The following KHDRBS3 variants were observed in gnomAD, a reference collection of about 807,000 sequenced individuals.
KHDRBS3 encodes KH domain-containing, RNA-binding, signal transduction-associated protein 3.
KHDRBS3 carries 23 observed loss-of-function variants against 45.6 expected under a neutral mutation model. The observed-to-expected ratio is 0.50, with a 90% CI of 0.36 to 0.72. The LOEUF (loss-of-function observed/expected upper bound fraction) is 0.72, where lower values mean the gene tolerates loss of function less well. KHDRBS3 is among the 30% of genes least tolerant of loss of function. The pLI, the probability that KHDRBS3 is intolerant of heterozygous loss-of-function variation, is 0.00. For synonymous variants in KHDRBS3, 162 were observed against 156.5 expected (o/e 1.04, Z -0.26); for missense variants, 352 against 424.8 (o/e 0.83, Z 1.51).
chr8:135,558,102 G>C (rs1357687674), intron 5 of KHDRBS3, among the ~76,000 whole-genome samples: 2 of 152,172 alleles, frequency 1.3e-5, no homozygotes, highest in Non-Finnish European at 2.9e-5. Flanking sequence ...CATCAGGCTA[G>C]TTCATTGCAA....
intron 3 of KHDRBS3, among the ~76,000 whole-genome samples, chr8:135,548,341 T>C (rs1483812429): frequency 6.6e-6 from 1 of 152,172 alleles, no homozygotes; most frequent in African/African-American, 2.4e-5. Context: ...TGTACCAGCA[T>C]CACAGAGACG....
intron 1 of KHDRBS3, among the ~76,000 whole-genome samples, chr8:135,505,185 A>G (rs7813160): frequency 0.038 from 5,783 of 152,298 alleles, 361 homozygotes; most frequent in African/African-American, 0.13. Flanking sequence ...GAAAGACCTC[A>G]ATGCCATTAG....
chr8:135,477,058 TAAC>T (rs1452209240), intron 1 of KHDRBS3, among the ~76,000 whole-genome samples: 1 of 152,236 alleles, frequency 6.6e-6, no homozygotes, highest in Non-Finnish European at 1.5e-5. Context: ...ATGACAATGA[TAAC>T]TACTATTTAT....
intron 1 of KHDRBS3, among the ~76,000 whole-genome samples, chr8:135,504,667 C>A (rs1197501886): frequency 6.6e-6 from 1 of 152,164 alleles, no homozygotes; most frequent in Non-Finnish European, 1.5e-5. Context: ...CTATGCTACT[C>A]AAATTAGAAT....
Position 135,606,935 on chromosome 8 carries a change from C to T in KHDRBS3, c.808-20C>T. On this transcript the variant is annotated intron_variant, in intron 6 of 8. Transcript: ENST00000355849. Reference sequence around the variant, plus strand: ...AGAAACTTCTCTGAATGTTTTTGTACTTCTCCTGTTATGTTTTAGGACTAT... The same window carrying T: ...AGAAACTTCTCTGAATGTTTTTGTATTTCTCCTGTTATGTTTTAGGACTAT... 9 of 1,580,614 alleles carry T rather than the reference C, an allele frequency of 5.7e-6. No homozygotes were observed. Among genetic ancestry groups the T allele is most frequent in the Non-Finnish European group, 7.8e-6 (9 of 1,153,672 alleles).
chr8:135,496,572 A>G (rs568361102), intron 1 of KHDRBS3, among the ~76,000 whole-genome samples: 1 of 152,312 alleles, frequency 6.6e-6, no homozygotes, highest in South Asian at 2.1e-4. Context: ...TTTGAAAAAA[A>G]AAAAGTCTGT....
chr8:135,540,564 G>C (rs886810136), intron 2 of KHDRBS3: 2 of 152,242 alleles, frequency 1.3e-5, no homozygotes, highest in African/African-American at 4.8e-5. Flanking sequence ...AGATACAACT[G>C]AGGATGAGGG....
intron 5 of KHDRBS3, among the ~76,000 whole-genome samples, chr8:135,571,287 CAGTG>C (rs1003635719): frequency 6.6e-6 from 1 of 152,258 alleles, no homozygotes; most frequent in African/African-American, 2.4e-5. Flanking sequence ...AAAAGGAATC[CAGTG>C]AGTATGTTTA....
chr8:135,654,847 A>G (rs1168966030), intron 4 of KHDRBS3, among the ~76,000 whole-genome samples: 1 of 152,230 alleles, frequency 6.6e-6, no homozygotes, highest in Non-Finnish European at 1.5e-5. Context: ...GCACGGGCTC[A>G]TTGCCCACCC....
intron 1 of KHDRBS3, among the ~76,000 whole-genome samples, chr8:135,509,327 C>T (rs113093736): frequency 1.3e-5 from 2 of 152,252 alleles, no homozygotes; most frequent in African/African-American, 4.8e-5. Context: ...ATGCTGGAAC[C>T]GAACTTTAGT....
At chr8:135,576,824 T>C (rs1827965917) in intron 5 of KHDRBS3, among the ~76,000 whole-genome samples, 1 of 152,232 alleles carries the variant, frequency 6.6e-6, no homozygotes, top group South Asian at 2.1e-4. Context: ...TACTAACCTA[T>C]GTATATACAC....
chr8:135,646,735 C>T (rs1322826715), intron 8 of KHDRBS3, among the ~76,000 whole-genome samples: 3 of 152,172 alleles, frequency 2.0e-5, no homozygotes, highest in East Asian at 1.9e-4. Context: ...AAAGTCCTTG[C>T]GAAGTTGGTT....
intron 7 of KHDRBS3, among the ~76,000 whole-genome samples, chr8:135,610,144 G>A (rs1346369916): frequency 6.6e-6 from 1 of 151,904 alleles, no homozygotes; most frequent in African/African-American, 2.4e-5. Flanking sequence ...ATTAAATGCT[G>A]TGATCTGTCA....
intron 6 of KHDRBS3, among the ~76,000 whole-genome samples, chr8:135,591,161 G>A (rs939594525): frequency 6.6e-6 from 1 of 152,200 alleles, no homozygotes; most frequent in African/African-American, 2.4e-5. Flanking sequence ...AGTCTATTAG[G>A]GTAGAGCTAG....
At chr8:135,491,352 A>G (rs1823141199) in intron 1 of KHDRBS3, among the ~76,000 whole-genome samples, 1 of 152,100 alleles carries the variant, frequency 6.6e-6, no homozygotes, top group Non-Finnish European at 1.5e-5. Flanking sequence ...ACTGTTAGGT[A>G]CCTAAGGAGG....
chr8:135,630,082 G>A (rs559138291), intron 7 of KHDRBS3, among the ~76,000 whole-genome samples: 1 of 152,330 alleles, frequency 6.6e-6, no homozygotes, highest in African/African-American at 2.4e-5. Flanking sequence ...AGGGAGTAAG[G>A]AATGTCTGGT....
intron 1 of KHDRBS3, among the ~76,000 whole-genome samples, chr8:135,483,116 T>C (rs888633595): frequency 1.5e-4 from 23 of 152,192 alleles, no homozygotes; most frequent in Admixed American, 6.5e-4. Flanking sequence ...TGTATCTCTT[T>C]TGCATTAAAA....
At chr8:135,498,043 G>T (rs1823546890) in intron 1 of KHDRBS3, among the ~76,000 whole-genome samples, 1 of 152,024 alleles carries the variant, frequency 6.6e-6, no homozygotes, top group African/African-American at 2.4e-5. Context: ...TTGGTGGCTG[G>T]ATTCTTAAGC....
intron 1 of KHDRBS3, among the ~76,000 whole-genome samples, chr8:135,473,815 C>A (rs1330896622): frequency 6.6e-6 from 1 of 152,138 alleles, no homozygotes; most frequent in African/African-American, 2.4e-5. Context: ...AGAAAAGGGC[C>A]CCTCCTCAGA....
Sources: allele counts gnomAD v4.1 joint callset (sites outside exome capture counted in the v4.1 genomes callset), GRCh38; gene constraint gnomAD v4.1.1; transcripts MANE v1.5; gene names NCBI Gene and HGNC (gene_info 2026-07-23, HGNC 2026-07-21).